Variants in ISM1 observed in about 807,000 individuals in gnomAD.
ISM1 encodes the protein isthmin-1.
A neutral mutation model predicts 46.3 loss-of-function variants in ISM1; 25 were observed. The ratio of observed to expected loss-of-function variants is 0.54; its 90% CI spans 0.39 to 0.75. The LOEUF (loss-of-function observed/expected upper bound fraction) is 0.75, where lower values mean the gene tolerates loss of function less well. Ranked by LOEUF, ISM1 falls within the 30% of genes least tolerant of loss-of-function variation. ISM1 has a pLI of 0.00. For synonymous variants in ISM1, 255 were observed against 256.7 expected (o/e 0.99, Z 0.06); for missense variants, 536 against 625.4 (o/e 0.86, Z 1.52).
chr20:13,292,294 A>G, intron 4 of ISM1, 80 bp from the exon 5 acceptor site: 5 of 847,138 alleles, frequency 5.9e-6, no homozygotes, highest in Non-Finnish European at 9.6e-6. Context: ...GTTCAGGTGT[A>G]TTTATTTTTT....
intron 1 of ISM1, among the ~76,000 whole-genome samples, chr20:13,225,407 T>G (rs2039511812): frequency 6.6e-6 from 1 of 152,206 alleles, no homozygotes; most frequent in Non-Finnish European, 1.5e-5. Context: ...TTGACAGTCT[T>G]ACTGTGTTAA....
chr20:13,298,901 T>C, intron 5 of ISM1, 41 bp from the exon 6 acceptor site: 1 of 1,597,332 alleles, frequency 6.3e-7, no homozygotes, highest in Non-Finnish European at 8.5e-7. Flanking sequence ...TGTGGGCCGG[T>C]TGTACACGCG....
At chr20:13,244,415 A>T (rs1355919722) in intron 1 of ISM1, 1 of 151,672 alleles carries the variant, frequency 6.6e-6, no homozygotes, top group Non-Finnish European at 1.5e-5. Context: ...GCATAAGCTA[A>T]TGAAAATATA....
intron 1 of ISM1, among the ~76,000 whole-genome samples, chr20:13,253,598 C>T (rs2123200420): frequency 6.6e-6 from 1 of 152,280 alleles, no homozygotes; most frequent in Non-Finnish European, 1.5e-5. Flanking sequence ...GGAGGCCTTG[C>T]TCAAACACCT....
intron 1 of ISM1, among the ~76,000 whole-genome samples, chr20:13,242,717 T>G (rs921651098): frequency 6.6e-6 from 1 of 152,140 alleles, no homozygotes; most frequent in African/African-American, 2.4e-5. Context: ...TTATTAAGGT[T>G]GGTATAAAAG....
chr20:13,228,455 C>T (rs1021934930), intron 1 of ISM1, among the ~76,000 whole-genome samples: 1 of 152,044 alleles, frequency 6.6e-6, no homozygotes, highest in African/African-American at 2.4e-5. Context: ...TATCTTATTT[C>T]CCCCCTAAGA....
chr20:13,277,490 C>T (rs1051234562), intron 2 of ISM1, among the ~76,000 whole-genome samples: 4 of 152,130 alleles, frequency 2.6e-5, no homozygotes, highest in African/African-American at 7.2e-5. Flanking sequence ...CAGCTTGGCT[C>T]GGCTCTACCC....
chr20:13,299,073 A>G lies in ISM1; in HGVS notation c.1009A>G (p.Ile337Val). Residue 337 changes from isoleucine (I) to valine (V), a missense_variant, in exon 6 of 6, where the codon ATC (isoleucine) becomes GTC (valine). By Grantham distance (29) the Ile-to-Val change is conservative. Coordinates refer to ENST00000262487, the MANE Select transcript of ISM1 (RefSeq NM_080826.2). This position sits in a 1 kb window ranked among gnomAD's most constrained non-coding sequence, Gnocchi z 5.8. The part of the protein sequence containing the change: ...PTEVAYSTAD[I>V]FDRIKRKDFR... ...TGAGGTGGCCTACAGCACGGCCGAC[A>G]TCTTCGACCGCATCAAGCGCAAGGA... 1 of 1,613,850 alleles carries G rather than the reference A, an allele frequency of 6.2e-7. No homozygotes were observed. Among genetic ancestry groups the G allele is most frequent in the Non-Finnish European group, 8.5e-7 (1 of 1,179,852 alleles).
chr20:13,222,788 G>A (rs577237309), intron 1 of ISM1, among the ~76,000 whole-genome samples: 17 of 152,280 alleles, frequency 1.1e-4, no homozygotes, highest in African/African-American at 3.9e-4. Context: ...TGAGTCTAGG[G>A]GTGGGACAAC....
chr20:13,245,501 A>T (rs2039782497), intron 1 of ISM1: 1 of 152,174 alleles, frequency 6.6e-6, no homozygotes, highest in South Asian at 2.1e-4. Context: ...ACTCAAAGGG[A>T]GGGGATTGCA....
In ISM1 at chr20:13,270,688, C is replaced by T. The variant is rs781078380; in HGVS notation, c.323C>T (p.Pro108Leu). The T allele has an allele frequency of 6.7e-5, 108 of 1,613,750 alleles. No individual in the cohort carries two copies. Among genetic ancestry groups the T allele is most frequent in the Non-Finnish European group, 8.7e-5 (103 of 1,179,804 alleles). ...DFPRSFLLDL[P>L]NFPDLSKADI... ...CCCAGATCCTTTCTCCTTGATCTACCAAACTTTCCAGATCTTTCCAAAGCT... is the reference window on the plus strand; with the variant it reads ...CCCAGATCCTTTCTCCTTGATCTACTAAACTTTCCAGATCTTTCCAAAGCT... Residue 108 changes from proline to leucine, a missense_variant, in exon 2 of 6, where the codon CCA becomes CTA. Coordinates refer to ENST00000262487, the MANE Select transcript of ISM1 (RefSeq NM_080826.2).
chr20:13,295,312 A>G (rs972224921), intron 5 of ISM1, among the ~76,000 whole-genome samples: 9 of 152,150 alleles, frequency 5.9e-5, no homozygotes, highest in South Asian at 2.1e-4. Context: ...ATAGCTCACT[A>G]TCACTCACAA....
At position 13,279,852 on chromosome 20, in the gene ISM1, A is replaced by C; in HGVS notation, c.597A>C (p.Thr199=). Residue 199 remains threonine (T), a synonymous_variant, in exon 3 of 6, where the codon ACA becomes ACC. Coordinates refer to ENST00000262487, the MANE Select transcript of ISM1 (RefSeq NM_080826.2). The part of the protein sequence containing the change: ...FLNPPRGWDH[T]APGHRTFETK... ...ACCCCCCCAGGGGGTGGGACCATAC[A>C]GCCCCAGGCCACCGGACTTTTGAAA... 1 of 1,613,972 alleles carries C rather than the reference A, an allele frequency of 6.2e-7. No homozygotes were observed. Among genetic ancestry groups the C allele is most frequent in the Middle Eastern group, 1.6e-4 (1 of 6,062 alleles).
chr20:13,272,157 A>G (rs1449344697), intron 2 of ISM1, among the ~76,000 whole-genome samples: 1 of 152,126 alleles, frequency 6.6e-6, no homozygotes, highest in African/African-American at 2.4e-5. Flanking sequence ...TCTGGACCAA[A>G]TGCCAATTTG....
At chr20:13,271,652 C>T (rs1482744392) in intron 2 of ISM1, among the ~76,000 whole-genome samples, 1 of 152,184 alleles carries the variant, frequency 6.6e-6, no homozygotes, top group Non-Finnish European at 1.5e-5. Flanking sequence ...CAGAGGCAAA[C>T]TCCTAATTTT....
In ISM1 at chr20:13,279,830, C is replaced by T. The variant is rs543712330; in HGVS notation, c.575C>T (p.Pro192Leu). Residue 192 changes from proline to leucine, a missense_variant, in exon 3 of 6, where the codon CCC becomes CTC. Coordinates refer to ENST00000262487, the MANE Select transcript of ISM1 (RefSeq NM_080826.2). ...TCAGACGACAGCAACTTCCTCAACC[C>T]CCCCAGGGGGTGGGACCATACAGCC... ...STSDDSNFLN[P>L]PRGWDHTAPG... is the part of the protein sequence containing the mutation. 5 of 1,614,016 alleles carry T rather than the reference C, an allele frequency of 3.1e-6. No homozygotes were observed. The South Asian group carries it at 5.5e-5, about 18-fold the overall frequency.
At position 13,291,945 on chromosome 20, in the gene ISM1, A is replaced by G. The variant is rs140162611; in HGVS notation, c.788-429A>G. Among the ~76,000 whole-genome samples, 145 of 152,342 alleles carry G rather than the reference A, an allele frequency of 9.5e-4. 1 individual carries two copies. Among genetic ancestry groups the G allele is most frequent in the African/African-American group, 3.3e-3 (139 of 41,578 alleles). On this transcript the variant is annotated intron_variant, in intron 4 of 5. Transcript: ENST00000262487. Reference sequence around the variant, plus strand: ...TTTACAGATGTAAAAACTGAGGCACACAAAAGTTCACTGGCTACCCCAAGG... The same window carrying G: ...TTTACAGATGTAAAAACTGAGGCACGCAAAAGTTCACTGGCTACCCCAAGG...
intron 5 of ISM1, 50 bp from the exon 6 acceptor site, chr20:13,298,892 G>A (rs763009893): frequency 6.3e-7 from 1 of 1,584,274 alleles, no homozygotes; most frequent in African/African-American, 1.3e-5. Context: ...AGCACCTCCT[G>A]TGGGCCGGTT....
intron 2 of ISM1, among the ~76,000 whole-genome samples, chr20:13,275,985 A>G (rs897652283): frequency 2.0e-5 from 3 of 152,214 alleles, no homozygotes; most frequent in Non-Finnish European, 2.9e-5. Flanking sequence ...CAGTAACTAC[A>G]GTTAGCTGGG....
Sources: gnomAD v4.1 joint callset for allele counts (sites outside exome capture counted in the v4.1 genomes callset) on GRCh38, gnomAD v4.1.1 for gene constraint, Gnocchi (gnomAD v3.1) non-coding constraint, MANE v1.5 for transcripts, NCBI Gene and HGNC (gene_info 2026-07-23, HGNC 2026-07-21) for gene names.